PTCH1: variants seen among roughly 807,000 people sequenced by gnomAD.
PTCH1 encodes the protein patched 1, also known as protein patched homolog 1.
In PTCH1, 14 loss-of-function variants were observed where a neutral mutation model predicts 144.6. The ratio of observed to expected loss-of-function variants is 0.10; its 90% CI spans 0.06 to 0.15. The LOEUF is 0.15. Ranked by LOEUF, PTCH1 falls within the 10% of genes least tolerant of loss-of-function variation. PTCH1 has a pLI of 1.00. For missense variants in PTCH1, 1,623 were observed against 1,948.3 expected (o/e 0.83, Z 3.14); for synonymous variants, 833 against 793.6 (o/e 1.05, Z -0.83).
chr9:95,480,117 T>TA (rs1163073161), intron 6 of PTCH1, 27 bp from the exon 7 acceptor site: 1 of 1,613,588 alleles, frequency 6.2e-7, no homozygotes. Flanking sequence ...GCCACATAAT[T>TA]ATGGGAATTA....
At position 95,466,562 on chromosome 9, in the gene PTCH1, G is replaced by A. The variant is rs555716938; in HGVS notation, c.2560+554C>T. On this transcript the variant is annotated intron_variant, in intron 15 of 23. Coordinates refer to ENST00000331920, the MANE Select transcript of PTCH1 (RefSeq NM_000264.5). ...TTACAGTCGAGGGGGCTGTGTGTGG[G>A]TGAGGAAGGGGGATATGGGCCATCT... Among the ~76,000 whole-genome samples the A allele has an allele frequency of 2.2e-4, 34 of 152,258 alleles. No individual in the cohort carries two copies. In the South Asian group the frequency reaches 7.0e-3, roughly 32 times the overall value.
At chr9:95,461,037 G>A (rs1051985847) in intron 16 of PTCH1, among the ~76,000 whole-genome samples, 23 of 152,112 alleles carry the variant, frequency 1.5e-4, no homozygotes, top group African/African-American at 5.6e-4. Context: ...TTAGCATGAC[G>A]GTTTTCTGCC....
In PTCH1 at chr9:95,443,761, T is replaced by A. The variant is rs567176965; in HGVS notation, c.*2632A>T. Reference sequence around the variant, plus strand: ...CTACTATGTACACTACAAAAATAAATCTTCATATAAATAAATTATATGGCA... The same window carrying A: ...CTACTATGTACACTACAAAAATAAAACTTCATATAAATAAATTATATGGCA... On this transcript the variant is annotated 3_prime_UTR_variant, in exon 24 of 24. Coordinates refer to ENST00000331920, the MANE Select transcript of PTCH1 (RefSeq NM_000264.5). 1.3e-5 allele frequency: 2 copies of A among 152,746 alleles called. No individual in the cohort carries two copies. Among genetic ancestry groups the A allele is most frequent in the East Asian group, 3.9e-4 (2 of 5,188 alleles). 9.5% of individuals were successfully genotyped at this position (152,746 alleles called of 1,614,324 possible).
In PTCH1 at chr9:95,506,544, A is replaced by T. The variant is rs2118879718; in HGVS notation, c.257T>A (p.Leu86His). ...PLWLRAKFQR[L>H]LFKLGCYIQK... Reference sequence around the variant, plus strand: ...AATGTAACAACCCAGTTTAAATAAGAGTCTCTGAAACTTCGCTCTCAGCCA... The same window carrying T: ...AATGTAACAACCCAGTTTAAATAAGTGTCTCTGAAACTTCGCTCTCAGCCA... The change falls in exon 2 of 24, where the codon CTC becomes CAC. Residue 86 changes from leucine (L) to histidine (H), a missense_variant. Leu to His is a moderately conservative substitution (Grantham distance 99). Transcript: ENST00000331920. 6.2e-7 allele frequency: 1 copy of T among 1,613,384 alleles called. No homozygotes were observed. Among genetic ancestry groups the T allele is most frequent in the East Asian group, 2.2e-5 (1 of 44,812 alleles).
Position 95,449,506 on chromosome 9 carries a change from GA to G in PTCH1, c.3550-184del. On this transcript the variant is annotated intron_variant, in intron 21 of 23. Coordinates refer to ENST00000331920, the MANE Select transcript of PTCH1 (RefSeq NM_000264.5). This position sits in a 1 kb window ranked among gnomAD's most constrained non-coding sequence, Gnocchi z 5.3. ...ACCTTCAGGTCCCGCAGCTGGAGCA[GA>G]AGAACTGTCCTCTGCTCCACACTGG... The G allele has an allele frequency of 7.3e-6, 6 of 819,832 alleles. No individual in the cohort carries two copies. Among genetic ancestry groups the G allele is most frequent in the Non-Finnish European group, 1.2e-5 (6 of 513,760 alleles). The allele number at this position is 819,832 out of a possible 1,614,324, so 50.8% of individuals were successfully genotyped here. A position where few individuals can be genotyped will look rare whatever the true frequency, so the allele number is the denominator to read the frequency against.
chr9:95,458,794 A>G lies in PTCH1; in HGVS notation c.2888-501T>C, dbSNP rs1424515123. ...AGAAATCCTTACACAACAAGCATTTAGTTACTGCCGTTGTGTGTTCCAGAC... is the reference window on the plus strand; with the variant it reads ...AGAAATCCTTACACAACAAGCATTTGGTTACTGCCGTTGTGTGTTCCAGAC... On this transcript the variant is annotated intron_variant, in intron 17 of 23. Coordinates refer to ENST00000331920, the MANE Select transcript of PTCH1 (RefSeq NM_000264.5). This position sits in a 1 kb window ranked among gnomAD's most constrained non-coding sequence, Gnocchi z 4.7. Among the ~76,000 whole-genome samples the G allele has an allele frequency of 6.6e-6, 1 of 152,236 alleles. No individual in the cohort carries two copies. Among genetic ancestry groups the G allele is most frequent in the Admixed American group, 6.5e-5 (1 of 15,284 alleles).
At chr9:95,479,893 G>C (rs1321646168) in intron 7 of PTCH1, 76 bp downstream of exon 7, 1 of 1,602,518 alleles carries the variant, frequency 6.2e-7, no homozygotes, top group Non-Finnish European at 8.6e-7. Flanking sequence ...TACACTTGCC[G>C]ATGTCAGGAG....
chr9:95,459,081 C>T (rs1246257799), intron 17 of PTCH1, among the ~76,000 whole-genome samples: 3 of 152,150 alleles, frequency 2.0e-5, no homozygotes, highest in Non-Finnish European at 2.9e-5. Context: ...CACAGAACCA[C>T]CTTTCAAACT....
In PTCH1 at chr9:95,506,585, G is replaced by A. The variant is rs1383963652; in HGVS notation, c.216C>T (p.Gly72=). Residue 72 remains glycine (G), a synonymous_variant, in exon 2 of 24, where the codon GGC becomes GGT. Transcript: ENST00000331920. ...LEQISKGKAT[G]RKAPLWLRAK... is the part of the protein sequence containing the mutation. ...CTCTCAGCCACAGCGGCGCTTTCCG[G>A]CCAGTAGCCTTCCCCTGGGGACGAA... 5 of 1,612,004 alleles carry A rather than the reference G, an allele frequency of 3.1e-6. No individual in the cohort carries two copies. The highest frequency in any genetic ancestry group is 3.3e-5 in the Admixed American group (2 of 59,798).
intron 2 of PTCH1, 68 bp downstream of exon 2, chr9:95,506,339 C>G (rs1350314218): frequency 1.2e-5 from 18 of 1,537,358 alleles, no homozygotes; most frequent in Non-Finnish European, 1.4e-5. Flanking sequence ...TGTGCGCTGG[C>G]GAATATCTCT....
At chr9:95,474,293 A>G (rs1840845798) in intron 12 of PTCH1, 1 of 294,896 alleles carries the variant, frequency 3.4e-6, no homozygotes. Flanking sequence ...AAGACTCTAG[A>G]ACAGTTTCTC....
chr9:95,449,966 C>A lies in PTCH1; in HGVS notation c.3450-26G>T. 1 of 1,598,928 alleles carries A rather than the reference C, an allele frequency of 6.3e-7. No homozygotes were observed. On this transcript the variant is annotated intron_variant, in intron 20 of 23. Transcript: ENST00000331920. This position sits in a 1 kb window ranked among gnomAD's most constrained non-coding sequence, Gnocchi z 5.3. ...CTGGGAGATCAAGAGGAAACGGGAA[C>A]ACGCGCTGTGACAGGGTGGATCGCG... is the stretch of plus-strand genomic sequence containing the variant.
intron 3 of PTCH1, 21 bp downstream of exon 3, chr9:95,485,664 G>C: frequency 6.2e-7 from 1 of 1,613,946 alleles, no homozygotes; most frequent in Non-Finnish European, 8.5e-7. Flanking sequence ...CTCATTAGTA[G>C]GTGGACGCGG....
At chr9:95,501,038 G>C (rs1843114207) in intron 2 of PTCH1, among the ~76,000 whole-genome samples, 1 of 152,200 alleles carries the variant, frequency 6.6e-6, no homozygotes, top group African/African-American at 2.4e-5. Context: ...TGGGATGGGG[G>C]AGTTATCTTA....
Position 95,468,942 on chromosome 9 carries a change from C to T in PTCH1, c.2059G>A (p.Val687Met), listed in dbSNP as rs374691153. The T allele has an allele frequency of 2.7e-5, 43 of 1,614,104 alleles. No homozygotes were observed. In the African/African-American group the frequency reaches 5.3e-4, roughly 20 times the overall value. ...TTAEPRSEIS[V>M]QPVTVTQDTL... ...TCCTGTGTCACGGTGACGGGCTGCA[C>T]AGAGATCTCGGAGCGCGGCTCAGCG... The change falls in exon 14 of 24, where the codon GTG becomes ATG. Residue 687 changes from valine to methionine, a missense_variant. By Grantham distance (21) the Val-to-Met change is conservative. Transcript: ENST00000331920.
chr9:95,450,049 C>G, intron 20 of PTCH1, 109 bp from the exon 21 acceptor site: 1 of 991,790 alleles, frequency 1.0e-6, no homozygotes, highest in East Asian at 2.6e-5. Flanking sequence ...ACAAAACCCA[C>G]CCCACTGAAA....
Position 95,453,066 on chromosome 9 carries a change from C to T in PTCH1, c.3449+412G>A, listed in dbSNP as rs369296124. ...ACAAGTTCAAAAGAAAGCAGAGTCA[C>T]GATGACGAGGTGCTGCAATCTACCA... On this transcript the variant is annotated intron_variant, in intron 20 of 23. Transcript: ENST00000331920. The T allele has an allele frequency of 3.7e-5, 12 of 323,258 alleles. No individual in the cohort carries two copies. In the East Asian group the frequency reaches 4.0e-4, roughly 11 times the overall value. The allele number at this position is 323,258 out of a possible 1,614,324, so 20.0% of individuals were successfully genotyped here.
intron 2 of PTCH1, among the ~76,000 whole-genome samples, chr9:95,504,349 C>T (rs1843389500): frequency 6.6e-6 from 1 of 152,204 alleles, no homozygotes; most frequent in Admixed American, 6.5e-5. Flanking sequence ...CCTTCCAGGA[C>T]TTGAAATGGG....
rs750373573 is a variant in PTCH1, at chr9:95,461,924, C to T, written c.2635G>A (p.Asp879Asn). 333 of 1,614,104 alleles carry T rather than the reference C, an allele frequency of 2.1e-4. 1 individual carries two copies. The highest frequency in any genetic ancestry group is 3.3e-4 in the Middle Eastern group (2 of 6,084). Residue 879 changes from aspartate to asparagine, a missense_variant, in exon 16 of 24, where the codon GAT (aspartate) becomes AAT (asparagine). Asp to Asn is a conservative substitution (Grantham distance 23, BLOSUM62 1). Coordinates refer to ENST00000331920, the MANE Select transcript of PTCH1 (RefSeq NM_000264.5). ...AGGAGTTTGTAGGCAAGGACTCCATCGTCTGATCCATTCTTGTAATTGTTT... is the reference window on the plus strand; with the variant it reads ...AGGAGTTTGTAGGCAAGGACTCCATTGTCTGATCCATTCTTGTAATTGTTT... ...MPNNYKNGSD[D>N]GVLAYKLLVQ...
Sources: allele counts gnomAD v4.1 joint callset (sites outside exome capture counted in the v4.1 genomes callset), GRCh38; gene constraint gnomAD v4.1.1; non-coding constraint Gnocchi (gnomAD v3.1); transcripts MANE v1.5; gene names NCBI Gene and HGNC (gene_info 2026-07-23, HGNC 2026-07-21).